The following ANKRD34B variants were observed in gnomAD, a reference collection of about 807,000 sequenced individuals.
ANKRD34B encodes ankyrin repeat domain 34B.
Under a neutral mutation model 4.4 loss-of-function variants are expected in ANKRD34B, and 2 were observed. The observed-to-expected ratio is 0.46, with a 90% CI of 0.19 to 1.44. ANKRD34B has a LOEUF of 1.44. ANKRD34B is among the 40% of genes most tolerant of loss of function. The pLI, the probability that ANKRD34B is intolerant of heterozygous loss-of-function variation, is 0.26. For synonymous variants in ANKRD34B, 226 were observed against 227.1 expected (o/e 0.99, Z 0.05); for missense variants, 558 against 604.7 (o/e 0.92, Z 0.81).
chr5:80,559,644 T>C lies in ANKRD34B; in HGVS notation c.376A>G (p.Ile126Val). 6.2e-7 allele frequency: 1 copy of C among 1,614,214 alleles called. No individual in the cohort carries two copies. Reference protein sequence around the residue: ...HSSYSALVYAINSEDTETLKV... With the variant: ...HSSYSALVYAVNSEDTETLKV... ...AGGGTCTCTGTATCTTCTGAATTTA[T>C]AGCATAAACAAGAGCTGAGTAACTA... Residue 126 changes from isoleucine (I) to valine (V), a missense_variant, in exon 5 of 5, where the codon ATA (isoleucine) becomes GTA (valine). Ile to Val is a conservative substitution (Grantham distance 29). Coordinates refer to ENST00000338682, the MANE Select transcript of ANKRD34B (RefSeq NM_001004441.3).
intron 4 of ANKRD34B, among the ~76,000 whole-genome samples, chr5:80,561,746 A>G (rs972092326): frequency 6.6e-6 from 1 of 152,222 alleles, no homozygotes; most frequent in African/African-American, 2.4e-5. Flanking sequence ...TCTGGCAGGC[A>G]GACAAAGGAG....
chr5:80,558,405 A>C lies in ANKRD34B; in HGVS notation c.*70T>G. The C allele has an allele frequency of 8.2e-7, 1 of 1,221,702 alleles. No homozygotes were observed. The highest frequency in any genetic ancestry group is 1.1e-6 in the Non-Finnish European group (1 of 875,714). The allele number at this position is 1,221,702 out of a possible 1,614,324, so 75.7% of individuals were successfully genotyped here. A position where few individuals can be genotyped will look rare whatever the true frequency, so the allele number is the denominator to read the frequency against. On this transcript the variant is annotated 3_prime_UTR_variant, in exon 5 of 5. Transcript: ENST00000338682. ...ACGAGATTTAAAAGAATGAACATTT[A>C]AGATTTCTTCTCTAGTTCTTTGTTT...
Position 80,559,039 on chromosome 5 carries a change from A to G in ANKRD34B, c.981T>C (p.Tyr327=). Residue 327 remains tyrosine, a synonymous_variant, in exon 5 of 5, where the codon TAT becomes TAC. Coordinates refer to ENST00000338682, the MANE Select transcript of ANKRD34B (RefSeq NM_001004441.3). ...TGCATTGCTGATTTCCTTCTGAAAG[A>G]TAAGATTGACAATTTATTTCATCAT... ...MSYDEINCQS[Y]LSEGNQQCIE... The G allele has an allele frequency of 1.2e-6, 2 of 1,614,246 alleles. No individual in the cohort carries two copies. Among genetic ancestry groups the G allele is most frequent in the Non-Finnish European group, 8.5e-7 (1 of 1,180,042 alleles).
intron 4 of ANKRD34B, among the ~76,000 whole-genome samples, chr5:80,561,708 G>A (rs1253432439): frequency 6.6e-6 from 1 of 152,182 alleles, no homozygotes; most frequent in Non-Finnish European, 1.5e-5. Flanking sequence ...CCAACTATTT[G>A]AGTTGGGTCT....
chr5:80,558,949 A>G lies in ANKRD34B; in HGVS notation c.1071T>C (p.Ser357=). The G allele has an allele frequency of 6.2e-7, 1 of 1,614,148 alleles. No homozygotes were observed. Among genetic ancestry groups the G allele is most frequent in the Non-Finnish European group, 8.5e-7 (1 of 1,180,032 alleles). Residue 357 remains serine, a synonymous_variant, in exon 5 of 5, where the codon AGT becomes AGC. Transcript: ENST00000338682. The part of the protein sequence containing the change: ...NQTIFASTLR[S]IVQKRNLGAN... ...CCCCCAAGTTTCTTTTTTGAACTAT[A>G]CTTCTTAAGGTGGAAGCAAATATTG...
At chr5:80,562,811 G>A (rs1457742509) in intron 4 of ANKRD34B, among the ~76,000 whole-genome samples, 1 of 152,134 alleles carries the variant, frequency 6.6e-6, no homozygotes, top group East Asian at 1.9e-4. Context: ...TACCCGAAAT[G>A]AGGCTGAAAA....
chr5:80,561,277 AG>A (rs905612806), intron 4 of ANKRD34B, among the ~76,000 whole-genome samples: 4 of 152,024 alleles, frequency 2.6e-5, no homozygotes, highest in African/African-American at 9.7e-5. Context: ...TAGAGTTGGG[AG>A]GGGGAGAATC....
chr5:80,568,804 C>T (rs1025569552), intron 2 of ANKRD34B, among the ~76,000 whole-genome samples, 156 bp downstream of exon 2: 8 of 151,678 alleles, frequency 5.3e-5, no homozygotes, highest in Non-Finnish European at 8.8e-5. Flanking sequence ...AAAGGGCTGC[C>T]GTGTTCTCCT....
rs1441686081 is a variant in ANKRD34B at position 80,559,866 on chromosome 5, T to A, written c.154A>T (p.Lys52Ter). The A allele has an allele frequency of 5.6e-6, 9 of 1,614,148 alleles. No homozygotes were observed. In the East Asian group the frequency reaches 1.8e-4, roughly 32 times the overall value. Reference sequence around the variant, plus strand: ...CTCTGGTGATCGACATGTTTGGTCTTACAAGCGATCATTAAAGGGGTTTCC... The same window carrying A: ...CTCTGGTGATCGACATGTTTGGTCTAACAAGCGATCATTAAAGGGGTTTCC... ...RGETPLMIAC[K>*]TKHVDHQSVS... Residue 52 changes from lysine (K) to a stop codon, truncating the protein, a stop_gained, in exon 5 of 5, where the codon AAG becomes TAG. Coordinates refer to ENST00000338682, the MANE Select transcript of ANKRD34B (RefSeq NM_001004441.3). LOFTEE classifies it low-confidence loss of function (END_TRUNC).
chr5:80,559,071 T>A lies in ANKRD34B; in HGVS notation c.949A>T (p.Met317Leu). 6.2e-7 allele frequency: 1 copy of A among 1,614,218 alleles called. No homozygotes were observed. Among genetic ancestry groups the A allele is most frequent in the South Asian group, 1.1e-5 (1 of 91,092 alleles). Residue 317 changes from methionine to leucine, a missense_variant, in exon 5 of 5, where the codon ATG becomes TTG. Physicochemically the swap from Met to Leu is conservative, Grantham distance 15. Coordinates refer to ENST00000338682, the MANE Select transcript of ANKRD34B (RefSeq NM_001004441.3). ...TGACAATTTATTTCATCATATGACATCTTCCTTGAGCTGGCCTGATCAAAG... is the reference window on the plus strand; with the variant it reads ...TGACAATTTATTTCATCATATGACAACTTCCTTGAGCTGGCCTGATCAAAG... Reference protein sequence around the residue: ...RAFDQASSRKMSYDEINCQSY... With the variant: ...RAFDQASSRKLSYDEINCQSY...
At chr5:80,569,186 CCTCATCT>C (rs1746678342) in intron 1 of ANKRD34B, 79 bp from the exon 2 acceptor site, 1 of 152,546 alleles carries the variant, frequency 6.6e-6, no homozygotes, top group Non-Finnish European at 1.5e-5. Flanking sequence ...CGTTTCGTCG[CCTCATCT>C]CTGAGCCAGG....
chr5:80,563,292 T>C (rs889164563), intron 4 of ANKRD34B, among the ~76,000 whole-genome samples: 8 of 152,160 alleles, frequency 5.3e-5, no homozygotes, highest in African/African-American at 1.9e-4. Flanking sequence ...TATTTCCCAG[T>C]CTGGGTGGTG....
At chr5:80,569,261 C>T (rs249208) in intron 1 of ANKRD34B, among the ~76,000 whole-genome samples, 154 bp from the exon 2 acceptor site, 82,029 of 151,996 alleles carry the variant, frequency 0.54, 24,034 homozygotes, top group East Asian at 0.96. Context: ...CTGCCCACAG[C>T]CGCTGCGGAG....
chr5:80,559,476 T>G lies in ANKRD34B; in HGVS notation c.544A>C (p.Thr182Pro). The change falls in exon 5 of 5, where the codon ACC (threonine) becomes CCC (proline). Residue 182 changes from threonine (T) to proline (P), a missense_variant. Transcript: ENST00000338682. ...VDIDGCHSPATCTTPSEIDIK... is the reference protein window; with the variant it reads ...VDIDGCHSPAPCTTPSEIDIK... The stretch of plus-strand genomic sequence containing the variant: ...TCTATTTCTGAAGGAGTGGTGCAGG[T>G]AGCTGGGGAATGACACCCATCTATA... 1 of 1,614,224 alleles carries G rather than the reference T, an allele frequency of 6.2e-7. No homozygotes were observed. Among genetic ancestry groups the G allele is most frequent in the Non-Finnish European group, 8.5e-7 (1 of 1,180,044 alleles).
intron 3 of ANKRD34B, among the ~76,000 whole-genome samples, chr5:80,566,089 T>C (rs943719155): frequency 6.6e-6 from 1 of 152,188 alleles, no homozygotes; most frequent in African/African-American, 2.4e-5. Context: ...ATTTTAAATA[T>C]GTGTATTTTT....
rs1326533661 is a variant in ANKRD34B at position 80,570,211 on chromosome 5, G to C, written c.-396C>G. 1 of 152,344 alleles carries C rather than the reference G, an allele frequency of 6.6e-6. No individual in the cohort carries two copies. The highest frequency in any genetic ancestry group is 1.5e-5 in the Non-Finnish European group (1 of 68,148). The allele number at this position is 152,344 out of a possible 1,614,324, so 9.4% of individuals were successfully genotyped here. A position where few individuals can be genotyped will look rare whatever the true frequency, so the allele number is the denominator to read the frequency against. On this transcript the variant is annotated 5_prime_UTR_variant, in exon 1 of 5. Transcript: ENST00000338682. The stretch of plus-strand genomic sequence containing the variant: ...TTCAAACCTCTCTCCGGCACTGCCC[G>C]ACCCTCTGTGCGGCCCTAGGGCGCC...
chr5:80,563,413 A>C (rs1267892002), intron 4 of ANKRD34B, among the ~76,000 whole-genome samples: 1 of 152,232 alleles, frequency 6.6e-6, no homozygotes, highest in African/African-American at 2.4e-5. Context: ...TGTGCAGAAA[A>C]GAGCATAGCA....
intron 3 of ANKRD34B, chr5:80,564,255 TC>T (rs1173849047): frequency 1.3e-5 from 2 of 152,346 alleles, no homozygotes; most frequent in Non-Finnish European, 2.9e-5. Context: ...CAAACGATCC[TC>T]CCACCTCAGC....
intron 3 of ANKRD34B, among the ~76,000 whole-genome samples, chr5:80,565,781 T>G (rs904532464): frequency 1.3e-5 from 2 of 152,106 alleles, no homozygotes; most frequent in Non-Finnish European, 2.9e-5. Flanking sequence ...GATCTCATAT[T>G]TCTAAGATGC....
Sources: allele counts gnomAD v4.1 joint callset (sites outside exome capture counted in the v4.1 genomes callset), GRCh38; gene constraint gnomAD v4.1.1; transcripts MANE v1.5; gene names NCBI Gene and HGNC (gene_info 2026-07-23, HGNC 2026-07-21).